Variants in HYDIN observed in about 807,000 individuals in gnomAD.
The protein encoded by HYDIN is HYDIN axonemal central pair apparatus protein.
HYDIN carries 132 observed loss-of-function variants against 403.9 expected under a neutral mutation model. The observed-to-expected ratio is 0.33, with a 90% confidence interval of 0.28 to 0.38. HYDIN has a LOEUF of 0.38. Among genes scored for constraint, HYDIN ranks in the 10% least tolerant of loss-of-function variants. HYDIN has a pLI of 1.00. For synonymous variants in HYDIN, 1,202 were observed against 1,891.7 expected (o/e 0.64, Z 9.46); for missense variants, 2,827 against 5,009.5 (o/e 0.56, Z 13.15).
intron 18 of HYDIN, among the ~76,000 whole-genome samples, chr16:71,053,662 T>TA (rs2081747584): frequency 6.9e-6 from 1 of 145,708 alleles, no homozygotes; most frequent in Admixed American, 6.8e-5. Context: ...ATGTAATAAA[T>TA]ATAAAAACAT....
At chr16:71,217,748 A>T (rs2088966547) in intron 1 of HYDIN, among the ~76,000 whole-genome samples, 1 of 152,180 alleles carries the variant, frequency 6.6e-6, no homozygotes, top group African/African-American at 2.4e-5. Flanking sequence ...GGGACTATTT[A>T]TGCTCATGGC....
At chr16:71,187,397 T>G (rs144832471) in intron 1 of HYDIN, among the ~76,000 whole-genome samples, 495 of 152,290 alleles carry the variant, frequency 3.3e-3, no homozygotes, top group African/African-American at 0.011. Context: ...GGGAAAAGTT[T>G]TAAAGCTTAT....
intron 5 of HYDIN, 94 bp downstream of exon 5, chr16:71,175,513 C>A: frequency 7.6e-7 from 1 of 1,313,074 alleles, no homozygotes; most frequent in Non-Finnish European, 1.1e-6. Context: ...CCACCACCAC[C>A]ACCACCACCA....
intron 75 of HYDIN, among the ~76,000 whole-genome samples, chr16:70,841,023 TA>T (rs1381250050): frequency 1.3e-5 from 2 of 152,074 alleles, no homozygotes; most frequent in African/African-American, 4.8e-5. Flanking sequence ...TAAACATTAT[TA>T]GAATAAACAG....
intron 6 of HYDIN, among the ~76,000 whole-genome samples, chr16:71,156,428 G>C (rs1258520346): frequency 1.3e-5 from 2 of 152,018 alleles, no homozygotes; most frequent in African/African-American, 4.8e-5. Context: ...CAGGCTGAAC[G>C]GGCTAGAAAA....
At chr16:70,943,759 G>A (rs2077754171) in intron 42 of HYDIN, 53 bp downstream of exon 42, 3 of 1,585,872 alleles carry the variant, frequency 1.9e-6, no homozygotes, top group Non-Finnish European at 1.7e-6. Context: ...AGGGTGTGGG[G>A]ATGGTGCGTG....
intron 23 of HYDIN, among the ~76,000 whole-genome samples, chr16:70,994,475 T>G (rs1394505447): frequency 1.3e-5 from 2 of 152,204 alleles, no homozygotes; most frequent in Non-Finnish European, 2.9e-5. Context: ...AGCTTCCATT[T>G]GACTTGTTCC....
intron 23 of HYDIN, among the ~76,000 whole-genome samples, chr16:71,012,146 T>C (rs2080108467): frequency 6.6e-6 from 1 of 152,418 alleles, no homozygotes; most frequent in African/African-American, 2.4e-5. Flanking sequence ...CTGGTTCAAG[T>C]GCACCGTTTC....
chr16:70,925,934 T>C (rs2077139990), intron 45 of HYDIN, among the ~76,000 whole-genome samples: 1 of 149,180 alleles, frequency 6.7e-6, no homozygotes, highest in Non-Finnish European at 1.5e-5. Context: ...CCAGTTAGAA[T>C]GGCAATCATT....
At chr16:70,921,293 G>A (rs1383742424) in intron 45 of HYDIN, 76 bp from the exon 46 acceptor site, 2 of 1,525,938 alleles carry the variant, frequency 1.3e-6, no homozygotes, top group East Asian at 2.3e-5. Context: ...AGGAGCAAAA[G>A]GACATTTTGT....
intron 3 of HYDIN, 43 bp downstream of exon 3, chr16:71,184,822 G>T: frequency 1.3e-6 from 2 of 1,522,242 alleles, no homozygotes; most frequent in Non-Finnish European, 1.8e-6. Context: ...TTGGTGTTGT[G>T]CCAGGGCCCA....
intron 84 of HYDIN, among the ~76,000 whole-genome samples, chr16:70,812,167 A>G (rs571686283): frequency 1.9e-5 from 2 of 107,826 alleles, no homozygotes; most frequent in African/African-American, 3.7e-5. Flanking sequence ...ATTTTAGAAG[A>G]TGGTTGGGTA....
At chr16:70,981,822 A>G (rs1315121493) in intron 28 of HYDIN, among the ~76,000 whole-genome samples, 1 of 152,130 alleles carries the variant, frequency 6.6e-6, no homozygotes, top group Non-Finnish European at 1.5e-5. Context: ...AAAAGTCACT[A>G]AAAATGTAAA....
chr16:70,889,951 T>C (rs1373432417), intron 57 of HYDIN, among the ~76,000 whole-genome samples: 3 of 152,254 alleles, frequency 2.0e-5, no homozygotes, highest in Admixed American at 2.0e-4. Context: ...CGAAAATTAC[T>C]GCAAGAAGAT....
At position 70,831,413 on chromosome 16, in the gene HYDIN, T is replaced by C. The variant is rs558024726; in HGVS notation, c.13899+1435A>G. 8.3e-3 allele frequency among the ~76,000 whole-genome samples: 1,199 copies of C among 143,636 alleles called. 9 individuals carry two copies. Among genetic ancestry groups the C allele is most frequent in the South Asian group, 0.031 (139 of 4,534 alleles). The allele number at this position is 143,636 out of a possible 152,430, so 94.2% of individuals were successfully genotyped here. A position where few individuals can be genotyped will look rare whatever the true frequency, so the allele number is the denominator to read the frequency against. On this transcript the variant is annotated intron_variant, in intron 80 of 85. Coordinates refer to ENST00000393567, the MANE Select transcript of HYDIN (RefSeq NM_001270974.2). ...TAATTCCAGCTACTTAAGAGCTGAGTTAGGAGAATTGCTTGAATCTGGGAG... is the reference window on the plus strand; with the variant it reads ...TAATTCCAGCTACTTAAGAGCTGAGCTAGGAGAATTGCTTGAATCTGGGAG...
At position 71,042,282 on chromosome 16, in the gene HYDIN, A is replaced by C. The variant is rs116157789; in HGVS notation, c.2530-10365T>G. On this transcript the variant is annotated intron_variant, in intron 18 of 85. Transcript: ENST00000393567. ...ACTCTCCCATTTTTCCCATTGCACG[A>C]ATCCTTACCTGTCAACACAGTCCAC... Among the ~76,000 whole-genome samples, 1,078 of 152,344 alleles carry C rather than the reference A, an allele frequency of 7.1e-3. 7 individuals carry two copies. The highest frequency in any genetic ancestry group is 0.025 in the African/African-American group (1,032 of 41,570).
intron 30 of HYDIN, among the ~76,000 whole-genome samples, chr16:70,976,146 T>C (rs1435501483): frequency 3.9e-5 from 6 of 152,242 alleles, no homozygotes; most frequent in African/African-American, 1.4e-4. Context: ...TAGGATAAAC[T>C]ATGTGTGACA....
intron 6 of HYDIN, among the ~76,000 whole-genome samples, chr16:71,153,367 G>T (rs935432160): frequency 1.3e-5 from 2 of 151,684 alleles, no homozygotes; most frequent in Admixed American, 6.6e-5. Context: ...AGGGTGGGAG[G>T]GGTGTAGAGG....
chr16:71,067,431 C>T (rs550468144), intron 14 of HYDIN, 41 bp from the exon 15 acceptor site: 14 of 1,302,584 alleles, frequency 1.1e-5, no homozygotes, highest in Admixed American at 5.3e-5. Context: ...CGAAAAAGCA[C>T]GTTCTCTCTA....
Sources: gnomAD v4.1 joint callset for allele counts (sites outside exome capture counted in the v4.1 genomes callset) on GRCh38, gnomAD v4.1.1 for gene constraint, MANE v1.5 for transcripts, NCBI Gene and HGNC (gene_info 2026-07-23, HGNC 2026-07-21) for gene names.